The following PRICKLE2 variants were observed in gnomAD, a reference collection of about 807,000 sequenced individuals.
PRICKLE2 encodes prickle planar cell polarity protein 2.
PRICKLE2 carries 21 observed loss-of-function variants against 81.4 expected under a neutral mutation model. That is an observed-to-expected ratio of 0.26 (90% CI 0.18 to 0.37). PRICKLE2 has a LOEUF of 0.37. Ranked by LOEUF, PRICKLE2 falls within the 10% of genes least tolerant of loss-of-function variation. PRICKLE2 has a pLI of 1.00. For missense variants in PRICKLE2, 940 were observed against 1,109.0 expected, an observed-to-expected ratio of 0.85 and a Z score of 2.16; for synonymous variants, 456 against 421.5, an observed-to-expected ratio of 1.08 and a Z score of -1.00.
intron 7 of PRICKLE2, chr3:64,146,408 C>A (rs9838364): frequency 0.04 from 8,285 of 207,932 alleles, 716 homozygotes; most frequent in African/African-American, 0.18. Flanking sequence ...CCTTCCTCAG[C>A]AGCCTATTAG....
At chr3:64,204,034 C>A (rs1025007118) in intron 1 of PRICKLE2, among the ~76,000 whole-genome samples, 3 of 152,026 alleles carry the variant, frequency 2.0e-5, no homozygotes, top group African/African-American at 4.8e-5. Flanking sequence ...ACAACAACAA[C>A]AAAAACCCAA....
chr3:64,242,431 T>C (rs1170859410), intron 2 of PRICKLE2, among the ~76,000 whole-genome samples: 1 of 152,244 alleles, frequency 6.6e-6, no homozygotes, highest in Non-Finnish European at 1.5e-5. Flanking sequence ...TCCCACCCTG[T>C]CTACCCTAGA....
At chr3:64,184,334 T>C (rs895080757) in intron 2 of PRICKLE2, among the ~76,000 whole-genome samples, 1 of 152,312 alleles carries the variant, frequency 6.6e-6, no homozygotes, top group South Asian at 2.1e-4. Context: ...AGCTGGACAG[T>C]GGCAGAACTG....
At chr3:64,266,453 AGT>A (rs2079710284) in intron 2 of PRICKLE2, among the ~76,000 whole-genome samples, 1 of 152,198 alleles carries the variant, frequency 6.6e-6, no homozygotes, top group African/African-American at 2.4e-5. Flanking sequence ...CTGGGTAGTC[AGT>A]GACTAAGAAC....
intron 5 of PRICKLE2, among the ~76,000 whole-genome samples, chr3:64,155,869 G>T (rs1238213721): frequency 6.6e-6 from 1 of 152,164 alleles, no homozygotes; most frequent in Non-Finnish European, 1.5e-5. Context: ...GCTAGGGAAA[G>T]GGGGAAATGA....
intron 7 of PRICKLE2, among the ~76,000 whole-genome samples, chr3:64,111,655 C>T (rs1326185160): frequency 6.6e-6 from 1 of 152,114 alleles, no homozygotes; most frequent in African/African-American, 2.4e-5. Flanking sequence ...GTAAAAGATA[C>T]CAGATATAAA....
chr3:64,192,792 T>G (rs1178745603), intron 2 of PRICKLE2, among the ~76,000 whole-genome samples: 1 of 152,190 alleles, frequency 6.6e-6, no homozygotes, highest in Admixed American at 6.5e-5. Context: ...TAATTGCAAC[T>G]TATTCTGTGC....
intron 2 of PRICKLE2, among the ~76,000 whole-genome samples, chr3:64,247,225 C>T (rs186417): frequency 0.89 from 135,309 of 152,076 alleles, 60,587 homozygotes; most frequent in African/African-American, 0.95. Context: ...ATATATCATA[C>T]TTTTTCCCCA....
At chr3:64,220,427 G>A (rs1385350664) in intron 1 of PRICKLE2, among the ~76,000 whole-genome samples, 4 of 152,232 alleles carry the variant, frequency 2.6e-5, no homozygotes, top group Non-Finnish European at 5.9e-5. Flanking sequence ...CTCGAGGCAG[G>A]CTGGGTGCTG....
chr3:64,177,619 C>A (rs2078049197), intron 2 of PRICKLE2, among the ~76,000 whole-genome samples: 1 of 152,096 alleles, frequency 6.6e-6, no homozygotes, highest in East Asian at 1.9e-4. Context: ...TACTGTCTGT[C>A]TCTATGAGTC....
upstream of PRICKLE2, among the ~76,000 whole-genome samples, chr3:64,227,927 C>A (rs963976081): frequency 3.9e-5 from 6 of 152,154 alleles, no homozygotes; most frequent in African/African-American, 1.4e-4. Flanking sequence ...CATCTTTATT[C>A]CTAGAGCATA....
chr3:64,209,205 C>T (rs1330020213), intron 1 of PRICKLE2, among the ~76,000 whole-genome samples: 1 of 152,066 alleles, frequency 6.6e-6, no homozygotes, highest in Non-Finnish European at 1.5e-5. Flanking sequence ...CCCATAAATA[C>T]ATCCATATCT....
chr3:64,196,454 T>C (rs537402287), intron 2 of PRICKLE2, among the ~76,000 whole-genome samples: 2 of 152,308 alleles, frequency 1.3e-5, no homozygotes, highest in African/African-American at 4.8e-5. Flanking sequence ...AGAATGGCAA[T>C]GTCAAACAAA....
chr3:64,246,033 CCA>C (rs1173915087), intron 2 of PRICKLE2, among the ~76,000 whole-genome samples: 1 of 152,006 alleles, frequency 6.6e-6, no homozygotes, highest in Non-Finnish European at 1.5e-5. Flanking sequence ...TCACTTGAGG[CCA>C]GGAGTTCGAG....
At chr3:64,245,025 G>A (rs2079325359) in intron 2 of PRICKLE2, among the ~76,000 whole-genome samples, 1 of 152,136 alleles carries the variant, frequency 6.6e-6, no homozygotes, top group Non-Finnish European at 1.5e-5. Context: ...GTGGAATTAA[G>A]TTATTTAGCC....
intron 1 of PRICKLE2, among the ~76,000 whole-genome samples, chr3:64,207,789 G>A (rs2078715639): frequency 6.6e-6 from 1 of 152,188 alleles, no homozygotes. Flanking sequence ...CTGTGCAAGT[G>A]GAGAGAGATG....
intron 2 of PRICKLE2, among the ~76,000 whole-genome samples, chr3:64,240,953 G>C (rs1274983842): frequency 6.6e-6 from 1 of 152,162 alleles, no homozygotes; most frequent in African/African-American, 2.4e-5. Context: ...AGGATGGCCA[G>C]TTGGTGGCAT....
intron 2 of PRICKLE2, among the ~76,000 whole-genome samples, chr3:64,185,359 A>G (rs2078208863): frequency 6.6e-6 from 1 of 152,186 alleles, no homozygotes; most frequent in South Asian, 2.1e-4. Flanking sequence ...CCCAACTAAG[A>G]ATTAGAAAAA....
At position 64,099,307 on chromosome 3, in the gene PRICKLE2, G is replaced by A. The variant is rs2076615683; in HGVS notation, c.2279C>T (p.Ala760Val). The part of the protein sequence containing the change: ...RTVSDLALQN[A>V]FGDRWGPYFA... ...GTAGGGTCCCCAGCGGTCCCCAAAG[G>A]CATTCTGCAAAGCCAGGTCCGACAC... is the stretch of plus-strand genomic sequence containing the variant. Residue 760 changes from alanine to valine, a missense_variant, in exon 8 of 8, where the codon GCC becomes GTC. Coordinates refer to ENST00000638394, the MANE Select transcript of PRICKLE2 (RefSeq NM_198859.4). This position sits in a 1 kb window ranked among gnomAD's most constrained non-coding sequence, Gnocchi z 4.3. 7 of 1,614,078 alleles carry A rather than the reference G, an allele frequency of 4.3e-6. No individual in the cohort carries two copies. The highest frequency in any genetic ancestry group is 2.2e-5 in the South Asian group (2 of 91,096).
Sources: allele counts gnomAD v4.1 joint callset (sites outside exome capture counted in the v4.1 genomes callset), GRCh38; gene constraint gnomAD v4.1.1; non-coding constraint Gnocchi (gnomAD v3.1); transcripts MANE v1.5; gene names NCBI Gene and HGNC (gene_info 2026-07-23, HGNC 2026-07-21).